ENTREP2: variants seen among roughly 807,000 people sequenced by gnomAD.
ENTREP2 encodes endosomal transmembrane epsin interactor 2.
At chr15:29,239,521 T>A in the ENTREP2 span, among the ~76,000 whole-genome samples, 1 of 152,160 alleles carries the variant, frequency 6.6e-6, no homozygotes. Flanking sequence ...TAGGTAAATA[T>A]GTGTATCCAG....
At chr15:29,272,767 TGG>T in the ENTREP2 span, among the ~76,000 whole-genome samples, 1 of 152,222 alleles carries the variant, frequency 6.6e-6, no homozygotes, top group Non-Finnish European at 1.5e-5. Flanking sequence ...TGTCTCTCCC[TGG>T]GACCCATATT....
At chr15:29,640,238 T>A in the ENTREP2 span, among the ~76,000 whole-genome samples, 5,947 of 152,252 alleles carry the variant, frequency 0.039, 156 homozygotes, top group South Asian at 0.065. Flanking sequence ...GACATCTGTA[T>A]GCCAACAAAT....
chr15:29,523,900 G>T, the ENTREP2 span, among the ~76,000 whole-genome samples: 3 of 151,836 alleles, frequency 2.0e-5, no homozygotes, highest in African/African-American at 7.3e-5. Context: ...ATTGATCAAA[G>T]ACCTAAATAT....
the ENTREP2 span, among the ~76,000 whole-genome samples, chr15:29,508,606 A>G: frequency 6.9e-3 from 1,046 of 152,300 alleles, 7 homozygotes; most frequent in African/African-American, 0.024. Context: ...ACACAAATCA[A>G]TAAATGTAAT....
the ENTREP2 span, among the ~76,000 whole-genome samples, chr15:29,665,820 T>C: frequency 1.3e-5 from 2 of 152,056 alleles, no homozygotes; most frequent in African/African-American, 2.4e-5. Flanking sequence ...GGCACGTGTA[T>C]GTTAGGAATG....
chr15:29,136,499 C>A, the ENTREP2 span: 4 of 1,547,132 alleles, frequency 2.6e-6, no homozygotes, highest in South Asian at 1.2e-5. Context: ...CAGGTGGAGG[C>A]CCCTGAAAAG....
At chr15:29,651,574 G>T in the ENTREP2 span, among the ~76,000 whole-genome samples, 1 of 152,180 alleles carries the variant, frequency 6.6e-6, no homozygotes, top group Non-Finnish European at 1.5e-5. Context: ...ACCCTTGGGG[G>T]CCTGGGAAGG....
chr15:29,237,622 G>T, the ENTREP2 span, among the ~76,000 whole-genome samples: 1 of 152,154 alleles, frequency 6.6e-6, no homozygotes, highest in Non-Finnish European at 1.5e-5. Flanking sequence ...ATACTACTTT[G>T]TACCCACTAG....
At chr15:29,626,197 ACTCACTTAGCTCTAGGAGTTTTC>A in the ENTREP2 span, among the ~76,000 whole-genome samples, 1 of 152,104 alleles carries the variant, frequency 6.6e-6, no homozygotes, top group Admixed American at 6.5e-5. Context: ...ACTTTGCTAT[ACTCACTTAGCTCTAGGAGTTTTC>A]CTAGATTTCT....
At chr15:29,570,598 G>A in the ENTREP2 span, 3 of 1,462,928 alleles carry the variant, frequency 2.1e-6, no homozygotes, top group South Asian at 3.8e-5. Flanking sequence ...TGAGGCATCC[G>A]AGCGCCATCT....
the ENTREP2 span, among the ~76,000 whole-genome samples, chr15:29,551,573 GCTAT>G: frequency 9.2e-5 from 14 of 152,128 alleles, no homozygotes; most frequent in Middle Eastern, 6.8e-3. Context: ...CCAGTTCTCA[GCTAT>G]CTATCTGAGT....
At chr15:29,152,294 C>A in the ENTREP2 span, among the ~76,000 whole-genome samples, 1 of 152,114 alleles carries the variant, frequency 6.6e-6, no homozygotes, top group African/African-American at 2.4e-5. Context: ...TAACATTTGG[C>A]AAATCTATAG....
At chr15:29,230,488 A>G in the ENTREP2 span, among the ~76,000 whole-genome samples, 1 of 152,226 alleles carries the variant, frequency 6.6e-6, no homozygotes, top group South Asian at 2.1e-4. Context: ...ATATTAAACA[A>G]TCCCCTAAAT....
At chr15:29,545,970 T>A in the ENTREP2 span, among the ~76,000 whole-genome samples, 1 of 152,222 alleles carries the variant, frequency 6.6e-6, no homozygotes, top group African/African-American at 2.4e-5. Flanking sequence ...TAATTCTATA[T>A]CACCACTAGA....
the ENTREP2 span, among the ~76,000 whole-genome samples, chr15:29,447,533 G>A: frequency 4.4e-4 from 67 of 152,132 alleles, no homozygotes; most frequent in African/African-American, 1.5e-3. Context: ...TGGCACAATC[G>A]CAGCTCACTG....
At chr15:29,196,785 C>T in the ENTREP2 span, 7 of 467,042 alleles carry the variant, frequency 1.5e-5, no homozygotes, top group South Asian at 2.7e-4. Context: ...AGCAAAAGTA[C>T]ATTTGAAGAA....
the ENTREP2 span, among the ~76,000 whole-genome samples, chr15:29,475,880 G>A: frequency 6.6e-6 from 1 of 152,198 alleles, no homozygotes; most frequent in Non-Finnish European, 1.5e-5. Flanking sequence ...GCTGACCCAT[G>A]GTGACAGGTC....
the ENTREP2 span, among the ~76,000 whole-genome samples, chr15:29,499,765 T>A: frequency 6.6e-6 from 1 of 152,150 alleles, no homozygotes; most frequent in Non-Finnish European, 1.5e-5. Context: ...TAATTACATA[T>A]TGTGTAAATG....
At chr15:29,438,646 C>T in the ENTREP2 span, among the ~76,000 whole-genome samples, 1 of 152,170 alleles carries the variant, frequency 6.6e-6, no homozygotes, top group East Asian at 1.9e-4. Context: ...GTGGTTTGCA[C>T]CTTTATGACC....
Sources: allele counts gnomAD v4.1 joint callset (sites outside exome capture counted in the v4.1 genomes callset), GRCh38; gene constraint gnomAD v4.1.1; transcripts MANE v1.5; gene names NCBI Gene and HGNC (gene_info 2026-07-23, HGNC 2026-07-21).